The following HNF4G variants were observed in gnomAD, a reference collection of about 807,000 sequenced individuals.
HNF4G encodes the protein hepatocyte nuclear factor 4-gamma.
Under a neutral mutation model 50.9 loss-of-function variants are expected in HNF4G, and 21 were observed. The ratio of observed to expected loss-of-function variants is 0.41; its 90% CI spans 0.29 to 0.59. The LOEUF (loss-of-function observed/expected upper bound fraction) is 0.59, where lower values mean the gene tolerates loss of function less well. HNF4G is among the 20% of genes least tolerant of loss of function. The pLI, the probability that HNF4G is intolerant of heterozygous loss-of-function variation, is 0.26. For missense variants in HNF4G, 527 were observed against 559.4 expected, an observed-to-expected ratio of 0.94 and a Z score of 0.58; for synonymous variants, 198 against 185.6, an observed-to-expected ratio of 1.07 and a Z score of -0.54.
chr8:75,548,576 A>T (rs1363430676), intron 3 of HNF4G, among the ~76,000 whole-genome samples: 1 of 152,174 alleles, frequency 6.6e-6, no homozygotes. Context: ...AAGTAATCTG[A>T]TTATATTCTC....
intron 1 of HNF4G, among the ~76,000 whole-genome samples, chr8:75,471,194 T>A (rs2130632607): frequency 6.6e-6 from 1 of 152,320 alleles, no homozygotes; most frequent in Non-Finnish European, 1.5e-5. Flanking sequence ...TTCATTTGAT[T>A]GAGTTGGTGA....
chr8:75,493,407 G>A (rs986969299), intron 2 of HNF4G, among the ~76,000 whole-genome samples: 1 of 152,050 alleles, frequency 6.6e-6, no homozygotes, highest in Admixed American at 6.6e-5. Context: ...AGCTATAAAG[G>A]TATATACAGC....
intron 1 of HNF4G, among the ~76,000 whole-genome samples, chr8:75,478,596 G>A (rs1812296557): frequency 6.6e-6 from 1 of 152,188 alleles, no homozygotes; most frequent in African/African-American, 2.4e-5. Context: ...GTTGATATCA[G>A]ATAAATTTAG....
chr8:75,488,261 TTTTTG>T (rs1812539674), intron 1 of HNF4G, among the ~76,000 whole-genome samples: 1 of 152,194 alleles, frequency 6.6e-6, no homozygotes, highest in South Asian at 2.1e-4. Flanking sequence ...CATTGGACTT[TTTTTG>T]TTTTGTTTTG....
In HNF4G at chr8:75,424,449, A is replaced by G. The variant is rs184080735; in HGVS notation, c.-144+16287A>G. Among the ~76,000 whole-genome samples, 3 of 152,080 alleles carry G rather than the reference A, an allele frequency of 2.0e-5. No homozygotes were observed. In the East Asian group the frequency reaches 5.8e-4, roughly 29 times the overall value. Reference sequence around the variant, plus strand: ...CAGGTTTGTTACAAGGGTATATTGGATAATATTAAATTTGGGCTTCTATTG... The same window carrying G: ...CAGGTTTGTTACAAGGGTATATTGGGTAATATTAAATTTGGGCTTCTATTG... On this transcript the variant is annotated intron_variant, in intron 1 of 10. Transcript: ENST00000354370.
chr8:75,468,273 C>T (rs766447628), intron 1 of HNF4G, among the ~76,000 whole-genome samples: 3 of 152,248 alleles, frequency 2.0e-5, no homozygotes, highest in African/African-American at 7.2e-5. Context: ...AGGGAGAGGT[C>T]CTTCTTTGGT....
At chr8:75,481,191 G>A (rs1379322649) in intron 1 of HNF4G, among the ~76,000 whole-genome samples, 2 of 152,154 alleles carry the variant, frequency 1.3e-5, no homozygotes, top group African/African-American at 4.8e-5. Context: ...GTAAAGGTTT[G>A]AAAAGCCCCT....
intron 1 of HNF4G, among the ~76,000 whole-genome samples, chr8:75,447,108 A>T: frequency 8.7e-6 from 1 of 114,934 alleles, no homozygotes; most frequent in Admixed American, 9.2e-5. Context: ...AACAGAACAG[A>T]GCCCTCAGAA....
chr8:75,466,613 C>T (rs1433532478), intron 1 of HNF4G, among the ~76,000 whole-genome samples: 1 of 113,844 alleles, frequency 8.8e-6, no homozygotes. Context: ...TCCTTCCTTC[C>T]TTCCTTCCTT....
intron 2 of HNF4G, among the ~76,000 whole-genome samples, chr8:75,501,913 C>G: frequency 8.1e-6 from 1 of 123,052 alleles, no homozygotes; most frequent in South Asian, 2.4e-4. Context: ...AGTGCAGTGG[C>G]GCAATCTCGG....
intron 6 of HNF4G, among the ~76,000 whole-genome samples, chr8:75,557,381 A>T (rs1807160101): frequency 6.6e-6 from 1 of 152,208 alleles, no homozygotes; most frequent in Non-Finnish European, 1.5e-5. Flanking sequence ...GCACTTTGGG[A>T]GACAGAGGCA....
chr8:75,474,318 G>A (rs887491836), intron 1 of HNF4G, among the ~76,000 whole-genome samples: 1 of 152,164 alleles, frequency 6.6e-6, no homozygotes, highest in African/African-American at 2.4e-5. Flanking sequence ...ACACTTTTAA[G>A]TGTGTAAAAA....
chr8:75,454,017 G>A (rs1476627894), intron 1 of HNF4G, among the ~76,000 whole-genome samples: 1 of 146,664 alleles, frequency 6.8e-6, no homozygotes, highest in Non-Finnish European at 1.5e-5. Flanking sequence ...TTTATAAGAA[G>A]AAGAAATTTC....
intron 2 of HNF4G, among the ~76,000 whole-genome samples, chr8:75,491,541 C>A (rs1186262194): frequency 6.6e-6 from 1 of 151,594 alleles, no homozygotes; most frequent in Non-Finnish European, 1.5e-5. Flanking sequence ...GTGGTGCGAT[C>A]TCCGCTCACT....
At chr8:75,497,646 C>T (rs13264948) in intron 2 of HNF4G, among the ~76,000 whole-genome samples, 39 of 151,450 alleles carry the variant, frequency 2.6e-4, no homozygotes, top group African/African-American at 9.0e-4. Flanking sequence ...ATCATGCCAC[C>T]GCACTCCAGC....
chr8:75,512,237 T>C (rs544463144), intron 2 of HNF4G, among the ~76,000 whole-genome samples: 1 of 151,872 alleles, frequency 6.6e-6, no homozygotes, highest in South Asian at 2.1e-4. Context: ...AGAAAAGCAA[T>C]GCTAGCAGCA....
chr8:75,560,492 C>T, intron 9 of HNF4G, 26 bp downstream of exon 9: 1 of 1,586,978 alleles, frequency 6.3e-7, no homozygotes, highest in Non-Finnish European at 8.6e-7. Context: ...ACTTTTCAAC[C>T]AAGATATTTC....
chr8:75,416,034 GA>G (rs1810625402), intron 1 of HNF4G, among the ~76,000 whole-genome samples: 1 of 152,096 alleles, frequency 6.6e-6, no homozygotes, highest in South Asian at 2.1e-4. Context: ...TAGATTCTGT[GA>G]ATTTTTTTTA....
intron 1 of HNF4G, among the ~76,000 whole-genome samples, chr8:75,418,177 G>T (rs530390848): frequency 2.6e-5 from 4 of 152,158 alleles, no homozygotes; most frequent in African/African-American, 9.6e-5. Flanking sequence ...CTTCCTCCTG[G>T]TGTCCTCATG....
Sources: allele counts gnomAD v4.1 joint callset (sites outside exome capture counted in the v4.1 genomes callset), GRCh38; gene constraint gnomAD v4.1.1; transcripts MANE v1.5; gene names NCBI Gene and HGNC (gene_info 2026-07-23, HGNC 2026-07-21).